Variants in CAPN2 observed in about 807,000 individuals in gnomAD.
CAPN2 encodes calpain-2 catalytic subunit.
A neutral mutation model predicts 102.3 loss-of-function variants in CAPN2; 92 were observed. That is an observed-to-expected ratio of 0.90 (90% confidence interval 0.76 to 1.07). CAPN2 has a LOEUF of 1.07. Ranked by LOEUF, CAPN2 falls within the 50% of genes least tolerant of loss-of-function variation. CAPN2 has a pLI of 0.00. For missense variants in CAPN2, 800 were observed against 909.4 expected (o/e 0.88, Z 1.55); for synonymous variants, 340 against 355.4 (o/e 0.96, Z 0.49).
chr1:223,767,153 T>C (rs189857260), intron 16 of CAPN2, among the ~76,000 whole-genome samples: 1 of 151,672 alleles, frequency 6.6e-6, no homozygotes, highest in East Asian at 1.9e-4. Context: ...CTGTTTTGTC[T>C]GATCAAGATC....
intron 2 of CAPN2, among the ~76,000 whole-genome samples, chr1:223,742,469 C>A (rs1359491319): frequency 6.9e-6 from 1 of 144,948 alleles, no homozygotes; most frequent in Admixed American, 7.0e-5. Context: ...AACAATATTA[C>A]ATATATTACA....
At chr1:223,761,643 C>T in intron 13 of CAPN2, 26 bp downstream of exon 13, 1 of 1,597,696 alleles carries the variant, frequency 6.3e-7, no homozygotes, top group Non-Finnish European at 8.6e-7. Flanking sequence ...TGAATTTCAC[C>T]CACTCTGTCC....
intron 1 of CAPN2, among the ~76,000 whole-genome samples, chr1:223,714,231 C>T (rs1659814884): frequency 6.6e-6 from 1 of 152,208 alleles, no homozygotes; most frequent in Non-Finnish European, 1.5e-5. Flanking sequence ...TCCTACTGAA[C>T]TGCAGGAATC....
chr1:223,759,153 A>T lies in CAPN2; in HGVS notation c.1318-117A>T. 1.1e-6 allele frequency: 1 copy of T among 945,338 alleles called. No individual in the cohort carries two copies. Among genetic ancestry groups the T allele is most frequent in the Non-Finnish European group, 1.7e-6 (1 of 593,378 alleles). 58.6% of individuals were successfully genotyped at this position (945,338 alleles called of 1,614,324 possible). A position where few individuals can be genotyped will look rare whatever the true frequency, so the allele number is the denominator to read the frequency against. On this transcript the variant is annotated intron_variant, in intron 11 of 20. Coordinates refer to ENST00000295006, the MANE Select transcript of CAPN2 (RefSeq NM_001748.5). The surrounding 1 kb of genome is among the most constrained non-coding windows in gnomAD (Gnocchi z 4.6). ...GCCTGGCCTCGCCTCCTTATACACC[A>T]GGACAGCAGGACTGAGCCACCACAC... is the stretch of plus-strand genomic sequence containing the variant.
At chr1:223,760,654 T>A (rs1238839473) in intron 12 of CAPN2, among the ~76,000 whole-genome samples, 1 of 152,126 alleles carries the variant, frequency 6.6e-6, no homozygotes, top group African/African-American at 2.4e-5. Context: ...GGCATTAGAA[T>A]AACAGTGTCC....
In CAPN2 at chr1:223,731,384, G is replaced by A. The variant is rs183966727; in HGVS notation, c.308-12716G>A. On this transcript the variant is annotated intron_variant, in intron 2 of 20. Coordinates refer to ENST00000295006, the MANE Select transcript of CAPN2 (RefSeq NM_001748.5). The surrounding 1 kb of genome is among the most constrained non-coding windows in gnomAD (Gnocchi z 4.2). ...CCCCACAATGCCCGTCCTGCTGCCTGCCTGTTCTGGACTCTGCACTTGACC... is the reference window on the plus strand; with the variant it reads ...CCCCACAATGCCCGTCCTGCTGCCTACCTGTTCTGGACTCTGCACTTGACC... Among the ~76,000 whole-genome samples, 40 of 152,120 alleles carry A rather than the reference G, an allele frequency of 2.6e-4. 1 individual carries two copies. Among genetic ancestry groups the A allele is most frequent in the Middle Eastern group, 3.4e-3 (1 of 294 alleles).
chr1:223,718,837 A>G (rs979397954), intron 2 of CAPN2, among the ~76,000 whole-genome samples: 4 of 152,174 alleles, frequency 2.6e-5, no homozygotes, highest in Non-Finnish European at 4.4e-5. Context: ...GATTATTCCC[A>G]TTTTATAGAT....
chr1:223,742,082 C>T (rs1456176091), intron 2 of CAPN2, among the ~76,000 whole-genome samples: 1 of 152,166 alleles, frequency 6.6e-6, no homozygotes, highest in Non-Finnish European at 1.5e-5. Context: ...AAGTCATCGA[C>T]TAGAATTCAA....
intron 2 of CAPN2, among the ~76,000 whole-genome samples, chr1:223,724,638 C>T (rs369810828): frequency 1.7e-4 from 26 of 152,304 alleles, no homozygotes; most frequent in African/African-American, 5.1e-4. Flanking sequence ...CTCTCCAAAG[C>T]GGGATAGTAT....
rs1375758043 is a variant in CAPN2 at position 223,752,034 on chromosome 1, G to C, written c.937G>C (p.Glu313Gln). 3 of 1,613,460 alleles carry C rather than the reference G, an allele frequency of 1.9e-6. No homozygotes were observed. The highest frequency in any genetic ancestry group is 2.5e-6 in the Non-Finnish European group (3 of 1,179,524). The change falls in exon 8 of 21, where the codon GAA (glutamate) becomes CAA (glutamine). Residue 313 changes from glutamate (E) to glutamine (Q), a missense_variant. Coordinates refer to ENST00000295006, the MANE Select transcript of CAPN2 (RefSeq NM_001748.5). ...SWNTIDPEER[E>Q]RLTRRHEDGE... ...GAACACTATAGACCCAGAGGAGAGG[G>C]AAAGGCTGACCAGACGGCATGAAGA...
intron 2 of CAPN2, among the ~76,000 whole-genome samples, chr1:223,730,074 A>G (rs1188141362): frequency 6.9e-6 from 1 of 145,018 alleles, no homozygotes; most frequent in Non-Finnish European, 1.5e-5. Flanking sequence ...GCCTGGGTTG[A>G]GATAAGAAGT....
rs1470870668 is a variant in CAPN2 at position 223,727,265 on chromosome 1, T to C, written c.307+9434T>C. ...CTAAAGAAATATAACGCAAAACAGG[T>C]ACGATTTGAGATCCATCAGGGTTTC... is the stretch of plus-strand genomic sequence containing the variant. On this transcript the variant is annotated intron_variant, in intron 2 of 20. Transcript: ENST00000295006. This position sits in a 1 kb window ranked among gnomAD's most constrained non-coding sequence, Gnocchi z 4.1. Among the ~76,000 whole-genome samples the C allele has an allele frequency of 1.3e-5, 2 of 152,174 alleles. No individual in the cohort carries two copies. Among genetic ancestry groups the C allele is most frequent in the Non-Finnish European group, 2.9e-5 (2 of 68,036 alleles).
intron 2 of CAPN2, among the ~76,000 whole-genome samples, chr1:223,737,088 G>T (rs1322188563): frequency 6.6e-6 from 1 of 152,148 alleles, no homozygotes; most frequent in Non-Finnish European, 1.5e-5. Flanking sequence ...ATGTAGGGGA[G>T]ATTTGTGGAG....
intron 2 of CAPN2, among the ~76,000 whole-genome samples, chr1:223,734,684 G>A (rs1660408597): frequency 6.6e-6 from 1 of 152,154 alleles, no homozygotes; most frequent in South Asian, 2.1e-4. Context: ...GCCAAATGTG[G>A]CCAAGGTCTG....
intron 2 of CAPN2, among the ~76,000 whole-genome samples, chr1:223,732,579 A>T (rs930159344): frequency 1.3e-5 from 2 of 152,110 alleles, no homozygotes. Context: ...CGGCTTCTTT[A>T]CTGCAACTGT....
intron 2 of CAPN2, among the ~76,000 whole-genome samples, chr1:223,735,599 A>G (rs1275984452): frequency 6.6e-6 from 1 of 151,326 alleles, no homozygotes; most frequent in Non-Finnish European, 1.5e-5. Flanking sequence ...CCTCTGGTCC[A>G]GCCTCTTAGA....
chr1:223,766,067 AC>A (rs1661307060), intron 15 of CAPN2, among the ~76,000 whole-genome samples: 1 of 152,206 alleles, frequency 6.6e-6, no homozygotes, highest in African/African-American at 2.4e-5. Context: ...ACTACAGGTG[AC>A]TTTATATCCT....
At chr1:223,724,112 C>T (rs914047297) in intron 2 of CAPN2, among the ~76,000 whole-genome samples, 2 of 152,198 alleles carry the variant, frequency 1.3e-5, no homozygotes, top group African/African-American at 4.8e-5. Flanking sequence ...CTACTTCTGA[C>T]ATTCTGTGAC....
chr1:223,772,432 CAA>C, intron 20 of CAPN2, 193 bp downstream of exon 20: 1 of 557,664 alleles, frequency 1.8e-6, no homozygotes, highest in East Asian at 2.8e-5. Flanking sequence ...CACCTATTCT[CAA>C]GTCCAAAATG....
Sources: gnomAD v4.1 joint callset for allele counts (sites outside exome capture counted in the v4.1 genomes callset) on GRCh38, gnomAD v4.1.1 for gene constraint, Gnocchi (gnomAD v3.1) non-coding constraint, MANE v1.5 for transcripts, NCBI Gene and HGNC (gene_info 2026-07-23, HGNC 2026-07-21) for gene names.